GRM7: variants seen among roughly 807,000 people sequenced by gnomAD.
GRM7 encodes the protein metabotropic glutamate receptor 7.
A neutral mutation model predicts 84.5 loss-of-function variants in GRM7; 35 were observed. The observed-to-expected ratio is 0.41, with a 90% CI of 0.32 to 0.55. The LOEUF is 0.55. Among genes scored for constraint, GRM7 ranks in the 20% least tolerant of loss-of-function variants. GRM7 has a pLI of 0.19. For missense variants in GRM7, 1,003 were observed against 1,194.6 expected (o/e 0.84, Z 2.36); for synonymous variants, 487 against 455.1 (o/e 1.07, Z -0.89).
chr3:7,448,045 C>T (rs1227944531), intron 5 of GRM7, among the ~76,000 whole-genome samples: 1 of 151,554 alleles, frequency 6.6e-6, no homozygotes, highest in East Asian at 1.9e-4. Context: ...TGATGATTTC[C>T]AGTTTCATCC....
chr3:7,721,522 A>G (rs1701948576), intron 9 of GRM7, among the ~76,000 whole-genome samples: 2 of 152,262 alleles, frequency 1.3e-5, no homozygotes, highest in South Asian at 4.1e-4. Flanking sequence ...CAGTGCAGAC[A>G]TAGATCAATT....
chr3:6,955,079 T>C (rs1400126833), intron 1 of GRM7, among the ~76,000 whole-genome samples: 1 of 152,220 alleles, frequency 6.6e-6, no homozygotes, highest in African/African-American at 2.4e-5. Context: ...TAAAAATTCT[T>C]TACTTCATTT....
chr3:7,153,543 T>G (rs552693189), intron 2 of GRM7, among the ~76,000 whole-genome samples: 9 of 152,278 alleles, frequency 5.9e-5, no homozygotes, highest in African/African-American at 2.2e-4. Context: ...TTAAAAATAA[T>G]GTGTTAATGA....
chr3:7,132,088 C>T (rs143830951), intron 1 of GRM7, among the ~76,000 whole-genome samples: 181 of 152,330 alleles, frequency 1.2e-3, no homozygotes, highest in African/African-American at 4.0e-3. Context: ...GCTTAAACAA[C>T]ACCTCTTGCT....
chr3:7,504,243 T>G (rs1575426206), intron 7 of GRM7, among the ~76,000 whole-genome samples: 1 of 152,190 alleles, frequency 6.6e-6, no homozygotes, highest in Non-Finnish European at 1.5e-5. Context: ...GGCACATTAA[T>G]AGGTCAGATG....
chr3:7,114,998 T>A (rs1163336280), intron 1 of GRM7, among the ~76,000 whole-genome samples: 1 of 152,130 alleles, frequency 6.6e-6, no homozygotes, highest in Non-Finnish European at 1.5e-5. Context: ...AGGCACTATT[T>A]GACAAAAACT....
intron 2 of GRM7, among the ~76,000 whole-genome samples, chr3:7,183,241 C>A (rs1052987479): frequency 2.0e-5 from 3 of 152,162 alleles, no homozygotes; most frequent in African/African-American, 7.2e-5. Context: ...AAAGAACCCA[C>A]AATTGTGTCC....
intron 2 of GRM7, among the ~76,000 whole-genome samples, chr3:7,285,599 G>A (rs1012393105): frequency 6.6e-5 from 10 of 152,220 alleles, no homozygotes; most frequent in African/African-American, 2.2e-4. Context: ...GCATGTTACA[G>A]TGTATGTAGA....
chr3:7,478,286 A>C (rs1044078165), intron 7 of GRM7, among the ~76,000 whole-genome samples: 3 of 152,146 alleles, frequency 2.0e-5, no homozygotes, highest in African/African-American at 7.2e-5. Context: ...TTGCTGTCTT[A>C]GGTGGAAATC....
chr3:7,299,595 G>A (rs756827326), intron 3 of GRM7, among the ~76,000 whole-genome samples: 1 of 152,116 alleles, frequency 6.6e-6, no homozygotes, highest in Non-Finnish European at 1.5e-5. Flanking sequence ...AAAGTTTCTT[G>A]TATATCCTTG....
chr3:7,292,089 C>A (rs1049387920), intron 2 of GRM7, among the ~76,000 whole-genome samples: 10 of 152,140 alleles, frequency 6.6e-5, no homozygotes, highest in African/African-American at 2.4e-4. Context: ...CATTAAAGCT[C>A]TTTTTCTTTA....
intron 2 of GRM7, among the ~76,000 whole-genome samples, chr3:7,213,475 G>T (rs1696497909): frequency 6.6e-6 from 1 of 152,148 alleles, no homozygotes; most frequent in South Asian, 2.1e-4. Flanking sequence ...GATGTTAATT[G>T]ACTTGATCAT....
intron 1 of GRM7, among the ~76,000 whole-genome samples, chr3:7,029,300 T>TCAAAAAAAAACAAACAAA (rs66732560): frequency 2.8e-5 from 2 of 71,264 alleles, no homozygotes; most frequent in East Asian, 3.3e-4. Flanking sequence ...AGACTCTGCC[T>TCAAAAAAAAACAAACAAA]CAAAAAAAAA....
At chr3:7,662,876 T>C (rs1038402183) in intron 8 of GRM7, among the ~76,000 whole-genome samples, 10 of 152,224 alleles carry the variant, frequency 6.6e-5, no homozygotes, top group African/African-American at 2.4e-4. Flanking sequence ...GCACAAAAAG[T>C]AAGATGGGGA....
chr3:7,015,301 C>G (rs187132727), intron 1 of GRM7, among the ~76,000 whole-genome samples: 6 of 152,128 alleles, frequency 3.9e-5, no homozygotes, highest in Admixed American at 3.9e-4. Context: ...TTGAAGTCCG[C>G]GAGACCAAGA....
chr3:7,093,877 G>A (rs984559598), intron 1 of GRM7, among the ~76,000 whole-genome samples: 6 of 152,030 alleles, frequency 3.9e-5, no homozygotes, highest in African/African-American at 1.2e-4. Flanking sequence ...AAAGTAGTAT[G>A]TTTCGAGACT....
chr3:7,220,263 A>C (rs563645798), intron 2 of GRM7, among the ~76,000 whole-genome samples: 30 of 152,310 alleles, frequency 2.0e-4, no homozygotes, highest in African/African-American at 7.0e-4. Context: ...CAGTGGAGAA[A>C]CCTGACAAAC....
intron 1 of GRM7, among the ~76,000 whole-genome samples, chr3:6,988,163 A>ATTTTT (rs760807880): frequency 3.1e-5 from 3 of 95,284 alleles, no homozygotes; most frequent in African/African-American, 1.1e-4. Context: ...CGCCTGGCTA[A>ATTTTT]TTTTTTTTTT....
intron 4 of GRM7, among the ~76,000 whole-genome samples, chr3:7,306,981 C>T (rs1161155753): frequency 2.0e-5 from 3 of 152,088 alleles, no homozygotes; most frequent in Non-Finnish European, 2.9e-5. Flanking sequence ...AAGTGAGCTA[C>T]GTTTTCCAAG....
Sources: allele counts gnomAD v4.1 joint callset (sites outside exome capture counted in the v4.1 genomes callset), GRCh38; gene constraint gnomAD v4.1.1; transcripts MANE v1.5; gene names NCBI Gene and HGNC (gene_info 2026-07-23, HGNC 2026-07-21).